Variants in RHBDF2 observed in about 807,000 individuals in gnomAD.
RHBDF2 encodes the protein inactive rhomboid protein 2.
RHBDF2 carries 38 observed loss-of-function variants against 95.2 expected under a neutral mutation model. That is an observed-to-expected ratio of 0.40 (90% CI 0.31 to 0.52). RHBDF2 has a LOEUF of 0.52. Among genes scored for constraint, RHBDF2 ranks in the 20% least tolerant of loss-of-function variants. RHBDF2 has a pLI of 0.56. For synonymous variants in RHBDF2, 442 were observed against 462.0 expected (o/e 0.96, Z 0.55); for missense variants, 863 against 1,137.7 (o/e 0.76, Z 3.47).
At chr17:76,474,314 A>T in intron 12 of RHBDF2, 59 bp downstream of exon 12, 1 of 1,575,852 alleles carries the variant, frequency 6.3e-7, no homozygotes, top group Non-Finnish European at 8.7e-7. Context: ...AGGACAGGGC[A>T]AGTGGAGCTA....
intron 9 of RHBDF2, among the ~76,000 whole-genome samples, chr17:76,475,587 CTTT>C (rs1052462865): frequency 1.4e-5 from 2 of 145,026 alleles, no homozygotes. Flanking sequence ...CTTTTCTTTT[CTTT>C]TTTTTTTTTT....
chr17:76,500,304 TG>T (rs2074547594), intron 1 of RHBDF2, among the ~76,000 whole-genome samples: 1 of 152,138 alleles, frequency 6.6e-6, no homozygotes, highest in South Asian at 2.1e-4. Flanking sequence ...CCCTCCCAAG[TG>T]TGTGACACCC....
At position 76,474,405 on chromosome 17, in the gene RHBDF2, C is replaced by T. The variant is rs2073697019; in HGVS notation, c.1432G>A (p.Gly478Arg). Residue 478 changes from glycine to arginine, a missense_variant, in exon 12 of 19, where the codon GGA becomes AGA. This residue lies in a region of RHBDF2 where 611 missense variants were observed against 725.5 expected (regional missense o/e 0.84). Transcript: ENST00000675367. Reference protein sequence around the residue: ...SGCCVQNDHSGCIQTQRKDCS... With the variant: ...SGCCVQNDHSRCIQTQRKDCS... The stretch of plus-strand genomic sequence containing the variant: ...TCCTTCCGCTGGGTCTGGATGCATC[C>T]GGAGTGGTCATTCTGGACACAGCAG... The T allele has an allele frequency of 1.2e-6, 2 of 1,613,754 alleles. No homozygotes were observed. Among genetic ancestry groups the T allele is most frequent in the Non-Finnish European group, 1.7e-6 (2 of 1,179,972 alleles).
intron 6 of RHBDF2, among the ~76,000 whole-genome samples, chr17:76,478,139 CCT>C (rs1186488507): frequency 2.0e-5 from 3 of 152,196 alleles, no homozygotes; most frequent in African/African-American, 4.8e-5. Context: ...TCTCCCTGTC[CCT>C]GTTTCTTGGC....
chr17:76,492,831 C>T (rs759097576), intron 1 of RHBDF2, among the ~76,000 whole-genome samples: 15 of 152,174 alleles, frequency 9.9e-5, no homozygotes, highest in African/African-American at 2.2e-4. Context: ...GCTGAGCCTG[C>T]GTGTGGCCAG....
chr17:76,486,950 G>GC (rs2074147515), intron 2 of RHBDF2, among the ~76,000 whole-genome samples: 2 of 108,472 alleles, frequency 1.8e-5, no homozygotes, highest in Non-Finnish European at 3.7e-5. Context: ...CTCGCTTCCT[G>GC]CCTTTTTTTT....
At chr17:76,497,438 C>A (rs796963277) in intron 1 of RHBDF2, among the ~76,000 whole-genome samples, 19 of 152,328 alleles carry the variant, frequency 1.2e-4, no homozygotes, top group African/African-American at 4.3e-4. Context: ...GTCCCCCTAC[C>A]CCAGACACAG....
chr17:76,477,869 C>A, intron 6 of RHBDF2, 84 bp from the exon 7 acceptor site: 1 of 1,554,774 alleles, frequency 6.4e-7, no homozygotes, highest in Non-Finnish European at 8.7e-7. Context: ...AATCATCAAG[C>A]CCATCCGCCT....
intron 4 of RHBDF2, 31 bp from the exon 5 acceptor site, chr17:76,479,308 T>A: frequency 6.4e-7 from 1 of 1,561,802 alleles, no homozygotes; most frequent in African/African-American, 1.4e-5. Context: ...CAGGTGGGCA[T>A]ACGCTTGTCT....
chr17:76,494,073 G>C (rs1044785795), intron 1 of RHBDF2, among the ~76,000 whole-genome samples: 2 of 152,170 alleles, frequency 1.3e-5, no homozygotes, highest in Non-Finnish European at 2.9e-5. Flanking sequence ...CTGTGCTCCA[G>C]GGAGCCGCCA....
intron 13 of RHBDF2, 27 bp from the exon 14 acceptor site, chr17:76,473,929 T>C: frequency 1.9e-6 from 3 of 1,613,318 alleles, no homozygotes; most frequent in Non-Finnish European, 2.5e-6. Context: ...GATTGGGCTG[T>C]GGCACACCCA....
chr17:76,472,308 T>G, intron 18 of RHBDF2: 2 of 596,426 alleles, frequency 3.4e-6, no homozygotes, highest in Non-Finnish European at 6.0e-6. Flanking sequence ...ACAAGCCTGT[T>G]CCAGGCCGCA....
At chr17:76,491,678 G>A (rs1370516690) in intron 1 of RHBDF2, among the ~76,000 whole-genome samples, 3 of 152,220 alleles carry the variant, frequency 2.0e-5, no homozygotes, top group Non-Finnish European at 2.9e-5. Flanking sequence ...GAGTATGGAA[G>A]CATGACTTTG....
chr17:76,498,444 G>A (rs2074484714), intron 1 of RHBDF2, among the ~76,000 whole-genome samples: 1 of 152,226 alleles, frequency 6.6e-6, no homozygotes, highest in Admixed American at 6.5e-5. Flanking sequence ...AGCCAGGAGG[G>A]CACACGTCTT....
intron 1 of RHBDF2, among the ~76,000 whole-genome samples, chr17:76,498,692 ACT>A (rs2074491545): frequency 6.6e-6 from 1 of 152,018 alleles, no homozygotes; most frequent in Non-Finnish European, 1.5e-5. Flanking sequence ...CCAGAGCAGG[ACT>A]CGGGCCCCAA....
At position 76,474,151 on chromosome 17, in the gene RHBDF2, CAGA is replaced by C. The variant is rs1281696654; in HGVS notation, c.1465-12_1465-10del. On this transcript the variant is annotated splice_polypyrimidine_tract_variant and intron_variant, in intron 12 of 18. Coordinates refer to ENST00000675367, the MANE Select transcript of RHBDF2 (RefSeq NM_001005498.4). The stretch of plus-strand genomic sequence containing the variant: ...AAAGTGGCCAAAGTCTCCTGGAGGG[CAGA>C]AGAAGGCTGGTGGGTCATGTCGGGG... 11 of 1,556,824 alleles carry C rather than the reference CAGA, an allele frequency of 7.1e-6. No individual in the cohort carries two copies. The highest frequency in any genetic ancestry group is 9.5e-6 in the Non-Finnish European group (11 of 1,152,330).
intron 18 of RHBDF2, chr17:76,472,456 T>C: frequency 1.6e-6 from 1 of 644,654 alleles, no homozygotes; most frequent in Non-Finnish European, 2.8e-6. Flanking sequence ...TGGGCACGGT[T>C]AGGAAGATAA....
At position 76,473,025 on chromosome 17, in the gene RHBDF2, C is replaced by G. The variant is rs778832728; in HGVS notation, c.1890G>C (p.Leu630=). The G allele has an allele frequency of 1.2e-5, 19 of 1,613,930 alleles. 1 individual carries two copies. In the South Asian group the frequency reaches 1.9e-4, roughly 16 times the overall value. The part of the protein sequence containing the change: ...EVPDQFYRLW[L]SLFLHAGVVH... ...CTTACCCAGCATGTAGGAAGAGAGA[C>G]AGCCAGAGCCTGTAGAACTGATCTG... The change falls in exon 17 of 19, where the codon CTG becomes CTC. Residue 630 remains leucine (L), a synonymous_variant. Transcript: ENST00000675367.
chr17:76,473,989 G>A, intron 13 of RHBDF2, 44 bp downstream of exon 13: 1 of 1,599,732 alleles, frequency 6.3e-7, no homozygotes, highest in Non-Finnish European at 8.6e-7. Flanking sequence ...CAGATGGCAT[G>A]GCTATGCCTG....
Sources: allele counts gnomAD v4.1 joint callset (sites outside exome capture counted in the v4.1 genomes callset), GRCh38; gene constraint gnomAD v4.1.1; regional missense constraint gnomAD v4.1.1; transcripts MANE v1.5; gene names NCBI Gene and HGNC (gene_info 2026-07-23, HGNC 2026-07-21).